The following FOXP1 variants were observed in gnomAD, a reference collection of about 807,000 sequenced individuals.
FOXP1 encodes forkhead box P1, also known as forkhead box protein P1.
In FOXP1, 15 loss-of-function variants were observed where a neutral mutation model predicts 98.2. The ratio of observed to expected loss-of-function variants is 0.15; its 90% CI spans 0.10 to 0.24. The LOEUF (loss-of-function observed/expected upper bound fraction) is 0.24, where lower values mean the gene tolerates loss of function less well. FOXP1 is among the 10% of genes least tolerant of loss of function. FOXP1 has a pLI of 1.00. For missense variants in FOXP1, 633 were observed against 848.5 expected (o/e 0.75, Z 3.15); for synonymous variants, 371 against 314.5 (o/e 1.18, Z -1.90).
intron 5 of FOXP1, among the ~76,000 whole-genome samples, chr3:71,216,242 C>A (rs1325877932): frequency 6.6e-6 from 1 of 152,202 alleles, no homozygotes; most frequent in East Asian, 1.9e-4. Context: ...TCTCCAAAGT[C>A]CCACCTCTTC....
chr3:70,976,335 T>G (rs1038768208), intron 17 of FOXP1, among the ~76,000 whole-genome samples: 3 of 152,194 alleles, frequency 2.0e-5, no homozygotes, highest in African/African-American at 7.2e-5. Context: ...ATTATAGGCA[T>G]GAGCCACTGT....
chr3:71,464,851 G>C lies in FOXP1; in HGVS notation c.-168+28575C>G, dbSNP rs568269167. Among the ~76,000 whole-genome samples the C allele has an allele frequency of 2.9e-3, 435 of 152,320 alleles. 4 individuals are homozygous for C. Among genetic ancestry groups the C allele is most frequent in the African/African-American group, 0.01 (417 of 41,572 alleles). ...GAAGTGGGAAACCAGACTGCCCCAA[G>C]TCTAGTCTCCAAACTGCCCCCCTTC... On this transcript the variant is annotated intron_variant, in intron 3 of 20. Transcript: ENST00000649528.
intron 14 of FOXP1, among the ~76,000 whole-genome samples, chr3:70,978,293 G>A (rs1197449625): frequency 1.3e-5 from 2 of 152,168 alleles, no homozygotes; most frequent in East Asian, 1.9e-4. Context: ...CCTACCTGAG[G>A]GAGTGTGAGA....
chr3:71,064,522 A>T (rs977445557), intron 7 of FOXP1, among the ~76,000 whole-genome samples: 2 of 151,882 alleles, frequency 1.3e-5, no homozygotes, highest in Non-Finnish European at 2.9e-5. Context: ...ACCCATGAAC[A>T]TTTAAAAAAA....
chr3:71,243,764 G>A (rs1222740572), intron 5 of FOXP1, among the ~76,000 whole-genome samples: 1 of 152,130 alleles, frequency 6.6e-6, no homozygotes, highest in Non-Finnish European at 1.5e-5. Flanking sequence ...TTATGAAGCT[G>A]CACCACTCTA....
At chr3:70,981,030 T>C (rs1293259853) in intron 14 of FOXP1, among the ~76,000 whole-genome samples, 2 of 152,094 alleles carry the variant, frequency 1.3e-5, no homozygotes, top group East Asian at 3.9e-4. Flanking sequence ...TCCAGTTTCA[T>C]TGTCAGAAAT....
intron 6 of FOXP1, among the ~76,000 whole-genome samples, chr3:71,147,656 A>G (rs1382389750): frequency 6.6e-6 from 1 of 152,230 alleles, no homozygotes; most frequent in Non-Finnish European, 1.5e-5. Flanking sequence ...AACTGCCCTG[A>G]AAATTTTCTA....
intron 5 of FOXP1, among the ~76,000 whole-genome samples, chr3:71,293,208 G>A (rs2072941761): frequency 6.6e-6 from 1 of 152,204 alleles, no homozygotes; most frequent in Non-Finnish European, 1.5e-5. Context: ...ACGTCGTTAA[G>A]TTGCCACCTA....
At chr3:71,137,794 T>C (rs544548231) in intron 6 of FOXP1, among the ~76,000 whole-genome samples, 232 of 35,006 alleles carry the variant, frequency 6.6e-3, no homozygotes, top group African/African-American at 7.6e-3. Flanking sequence ...ATTTATTTAT[T>C]ATTATTTTTT....
At chr3:71,403,480 G>A (rs936422686) in intron 3 of FOXP1, among the ~76,000 whole-genome samples, 2 of 152,256 alleles carry the variant, frequency 1.3e-5, no homozygotes, top group African/African-American at 2.4e-5. Context: ...TGTGAGAGGT[G>A]TGTGAGTGTG....
intron 5 of FOXP1, among the ~76,000 whole-genome samples, chr3:71,198,962 C>T (rs1386304715): frequency 6.6e-6 from 1 of 152,132 alleles, no homozygotes; most frequent in East Asian, 1.9e-4. Flanking sequence ...TCCCAAAGTA[C>T]TGGGATTGCA....
intron 2 of FOXP1, among the ~76,000 whole-genome samples, chr3:71,568,091 A>T: frequency 6.7e-6 from 1 of 149,104 alleles, no homozygotes; most frequent in African/African-American, 2.5e-5. Context: ...AGGGGAAATT[A>T]AAAAAAGAAA....
intron 7 of FOXP1, among the ~76,000 whole-genome samples, chr3:71,102,657 T>C (rs2057067298): frequency 6.6e-6 from 1 of 152,258 alleles, no homozygotes; most frequent in African/African-American, 2.4e-5. Context: ...TTATAAGCAC[T>C]ATTTTTCAAA....
In FOXP1 at chr3:70,956,489, GT is replaced by G. The variant is rs886058836; in HGVS notation, c.*2757del. 103 of 208,602 alleles carry G rather than the reference GT, an allele frequency of 4.9e-4. No individual in the cohort carries two copies. Among genetic ancestry groups the G allele is most frequent in the Middle Eastern group, 3.1e-3 (2 of 648 alleles). 12.9% of individuals were successfully genotyped at this position (208,602 alleles called of 1,614,324 possible). A position where few individuals can be genotyped will look rare whatever the true frequency, so the allele number is the denominator to read the frequency against. On this transcript the variant is annotated 3_prime_UTR_variant, in exon 21 of 21. Coordinates refer to ENST00000649528, the MANE Select transcript of FOXP1 (RefSeq NM_001349338.3). ...ACGACTAAGTGCAACTGAGTGAAATGTTTTTTTTTTAAATTTTAATCATTCC... is the reference window on the plus strand; with the variant it reads ...ACGACTAAGTGCAACTGAGTGAAATGTTTTTTTTTAAATTTTAATCATTCC...
At chr3:71,070,621 A>C (rs1161830760) in intron 7 of FOXP1, among the ~76,000 whole-genome samples, 1 of 151,986 alleles carries the variant, frequency 6.6e-6, no homozygotes, top group East Asian at 1.9e-4. Context: ...AAACAAGGGC[A>C]CTCTCGGGCC....
intron 2 of FOXP1, among the ~76,000 whole-genome samples, chr3:71,534,566 T>C (rs1299609205): frequency 6.6e-6 from 1 of 152,230 alleles, no homozygotes; most frequent in Non-Finnish European, 1.5e-5. Context: ...ATCTTCCTCT[T>C]ATAAGCAGTA....
chr3:71,542,918 T>G (rs2044989627), intron 2 of FOXP1, among the ~76,000 whole-genome samples: 1 of 152,206 alleles, frequency 6.6e-6, no homozygotes, highest in Non-Finnish European at 1.5e-5. Flanking sequence ...TGTAGCATCC[T>G]CAAACTGCAG....
chr3:71,550,753 T>C (rs756150358), intron 2 of FOXP1, among the ~76,000 whole-genome samples: 53 of 152,336 alleles, frequency 3.5e-4, no homozygotes, highest in Non-Finnish European at 6.5e-4. Context: ...CACCAGCTCA[T>C]ATATTCGGGT....
At chr3:71,346,567 A>G (rs9854559) in intron 4 of FOXP1, among the ~76,000 whole-genome samples, 68,439 of 151,974 alleles carry the variant, frequency 0.45, 16,304 homozygotes, top group East Asian at 0.74. Flanking sequence ...AGACCTATTC[A>G]CTAAGGAAGC....
Sources: allele counts gnomAD v4.1 joint callset (sites outside exome capture counted in the v4.1 genomes callset), GRCh38; gene constraint gnomAD v4.1.1; transcripts MANE v1.5; gene names NCBI Gene and HGNC (gene_info 2026-07-23, HGNC 2026-07-21).